Variants in MAST4 observed in about 807,000 individuals in gnomAD.
MAST4 encodes microtubule-associated serine/threonine-protein kinase 4.
Under a neutral mutation model 162.7 loss-of-function variants are expected in MAST4, and 89 were observed. The ratio of observed to expected loss-of-function variants is 0.55; its 90% CI spans 0.46 to 0.65. The LOEUF (loss-of-function observed/expected upper bound fraction) is 0.65. Among genes scored for constraint, MAST4 ranks in the 30% least tolerant of loss-of-function variants. The pLI is 0.00. For synonymous variants in MAST4, 1,479 were observed against 1,361.1 expected (o/e 1.09, Z -1.91); for missense variants, 3,153 against 3,374.0 (o/e 0.93, Z 1.62).
chr5:66,656,357 CT>C, intron 1 of MAST4, among the ~76,000 whole-genome samples: 1 of 152,208 alleles, frequency 6.6e-6, no homozygotes, highest in Middle Eastern at 3.2e-3. Context: ...TGCCTGTTTG[CT>C]TGCTGATGAG....
chr5:67,012,806 A>G (rs963499047), intron 4 of MAST4, among the ~76,000 whole-genome samples: 8 of 152,240 alleles, frequency 5.3e-5, no homozygotes, highest in Admixed American at 2.0e-4. Context: ...CTTAAACCTT[A>G]TTAATACAAT....
chr5:66,806,880 C>A (rs1756213504), intron 3 of MAST4, among the ~76,000 whole-genome samples: 1 of 152,082 alleles, frequency 6.6e-6, no homozygotes, highest in African/African-American at 2.4e-5. Context: ...ATTCTAATTT[C>A]TTCCTTTGGC....
intron 4 of MAST4, among the ~76,000 whole-genome samples, chr5:67,029,760 G>A (rs113412308): frequency 2.7e-4 from 41 of 152,240 alleles, no homozygotes; most frequent in Admixed American, 2.2e-3. Flanking sequence ...AATAGTAGGA[G>A]TTTTAGAAGG....
intron 1 of MAST4, among the ~76,000 whole-genome samples, chr5:66,708,111 C>T (rs1750254883): frequency 1.3e-5 from 2 of 152,174 alleles, no homozygotes; most frequent in Middle Eastern, 3.2e-3. Flanking sequence ...GCAACACCAA[C>T]CTAGATTCAA....
intron 4 of MAST4, among the ~76,000 whole-genome samples, chr5:67,025,523 G>A (rs868456508): frequency 2.0e-5 from 3 of 152,150 alleles, no homozygotes; most frequent in Admixed American, 6.6e-5. Context: ...CAGACTCCAG[G>A]TCAGAAGTTC....
intron 4 of MAST4, among the ~76,000 whole-genome samples, chr5:66,955,827 A>G: frequency 6.6e-6 from 1 of 152,206 alleles, no homozygotes; most frequent in South Asian, 2.1e-4. Context: ...TATATATTTC[A>G]GGCTGAAGTG....
At chr5:66,946,565 C>T (rs1744051535) in intron 4 of MAST4, among the ~76,000 whole-genome samples, 1 of 152,146 alleles carries the variant, frequency 6.6e-6, no homozygotes, top group South Asian at 2.1e-4. Flanking sequence ...TATTGCTGCT[C>T]TGCCCTTTTG....
At chr5:66,901,752 A>G (rs1237689250) in intron 4 of MAST4, among the ~76,000 whole-genome samples, 2 of 152,132 alleles carry the variant, frequency 1.3e-5, no homozygotes, top group African/African-American at 4.8e-5. Flanking sequence ...TAAACCAAAA[A>G]TAAACATGCT....
intron 12 of MAST4, among the ~76,000 whole-genome samples, chr5:67,116,291 C>T (rs940232202): frequency 6.6e-5 from 10 of 151,970 alleles, no homozygotes; most frequent in Admixed American, 1.3e-4. Flanking sequence ...CTGCAACCTC[C>T]GTCTCCTCAG....
At chr5:66,824,064 A>G (rs1191992361) in intron 3 of MAST4, among the ~76,000 whole-genome samples, 1 of 152,224 alleles carries the variant, frequency 6.6e-6, no homozygotes, top group African/African-American at 2.4e-5. Flanking sequence ...GGAGATATTC[A>G]TCCACTTGGC....
chr5:66,791,018 T>C (rs1755375486), intron 3 of MAST4, among the ~76,000 whole-genome samples: 1 of 152,108 alleles, frequency 6.6e-6, no homozygotes, highest in African/African-American at 2.4e-5. Flanking sequence ...TTAAGTAATA[T>C]ATCTTCTTTT....
intron 4 of MAST4, among the ~76,000 whole-genome samples, chr5:67,052,149 C>G (rs1401928723): frequency 1.3e-5 from 2 of 152,100 alleles, no homozygotes; most frequent in African/African-American, 4.8e-5. Context: ...TTTAACTTCT[C>G]TTCTTTTAAC....
chr5:67,104,533 C>T lies in MAST4; in HGVS notation c.1314C>T (p.Tyr438=). Reference sequence around the variant, plus strand: ...ACCAGGGCCTCATCACCTCACGATACTTCCTTGAATTACAGCACAAATTAG... The same window carrying T: ...ACCAGGGCCTCATCACCTCACGATATTTCCTTGAATTACAGCACAAATTAG... The part of the protein sequence containing the change: ...KSHQGLITSR[Y]FLELQHKLDK... The change falls in exon 10 of 29, where the codon TAC becomes TAT. Residue 438 remains tyrosine (Y), a synonymous_variant. Coordinates refer to ENST00000403625, the MANE Select transcript of MAST4 (RefSeq NM_001164664.2). The T allele has an allele frequency of 6.2e-7, 1 of 1,613,760 alleles. No homozygotes were observed. The highest frequency in any genetic ancestry group is 8.5e-7 in the Non-Finnish European group (1 of 1,179,768).
intron 3 of MAST4, among the ~76,000 whole-genome samples, chr5:66,859,645 T>C (rs1024423527): frequency 2.0e-5 from 3 of 152,226 alleles, no homozygotes; most frequent in Admixed American, 1.3e-4. Flanking sequence ...GAGGAATGAA[T>C]TAAATGTTCT....
chr5:66,912,594 T>C (rs934125330), intron 4 of MAST4, among the ~76,000 whole-genome samples: 2 of 152,202 alleles, frequency 1.3e-5, no homozygotes, highest in African/African-American at 4.8e-5. Context: ...GGTGGATTTC[T>C]AAGGTACTAC....
At chr5:67,023,008 A>G (rs978812405) in intron 4 of MAST4, among the ~76,000 whole-genome samples, 1 of 152,178 alleles carries the variant, frequency 6.6e-6, no homozygotes. Flanking sequence ...AGAATCACCC[A>G]AGTGATACTT....
intron 27 of MAST4, among the ~76,000 whole-genome samples, chr5:67,161,233 A>G (rs932007353): frequency 6.6e-5 from 10 of 152,216 alleles, no homozygotes; most frequent in South Asian, 6.2e-4. Context: ...TCTTTACTCA[A>G]TTGGGCCTGA....
intron 3 of MAST4, among the ~76,000 whole-genome samples, chr5:66,834,406 A>C (rs902689340): frequency 6.6e-5 from 10 of 151,972 alleles, no homozygotes; most frequent in African/African-American, 2.4e-4. Context: ...TCTCAACCTT[A>C]TTTTCTGAAC....
intron 4 of MAST4, among the ~76,000 whole-genome samples, chr5:66,973,996 G>A (rs1243426544): frequency 6.6e-6 from 1 of 152,016 alleles, no homozygotes; most frequent in Non-Finnish European, 1.5e-5. Flanking sequence ...TCACTTTCTG[G>A]CACAGGATGT....
Sources: allele counts gnomAD v4.1 joint callset (sites outside exome capture counted in the v4.1 genomes callset), GRCh38; gene constraint gnomAD v4.1.1; transcripts MANE v1.5; gene names NCBI Gene and HGNC (gene_info 2026-07-23, HGNC 2026-07-21).